The following TRIO variants were observed in gnomAD, a reference collection of about 807,000 sequenced individuals.
TRIO encodes the protein triple functional domain protein.
A neutral mutation model predicts 351.9 loss-of-function variants in TRIO; 58 were observed. The observed-to-expected ratio is 0.16, with a 90% confidence interval of 0.13 to 0.21. The LOEUF is 0.21. Among genes scored for constraint, TRIO ranks in the 10% least tolerant of loss-of-function variants. TRIO has a pLI of 1.00. For synonymous variants in TRIO, 1,758 were observed against 1,595.7 expected (o/e 1.10, Z -2.42); for missense variants, 3,201 against 4,027.8 (o/e 0.79, Z 5.56).
chr5:14,198,340 C>T (rs1421995275), intron 1 of TRIO, among the ~76,000 whole-genome samples: 2 of 152,150 alleles, frequency 1.3e-5, no homozygotes, highest in African/African-American at 4.8e-5. Context: ...AGCATCTTTG[C>T]CCAATCTTCT....
At chr5:14,432,631 G>A (rs982737645) in intron 34 of TRIO, among the ~76,000 whole-genome samples, 2 of 152,190 alleles carry the variant, frequency 1.3e-5, no homozygotes, top group African/African-American at 2.4e-5. Flanking sequence ...TTGGGGGCCA[G>A]ATTTCTCCTC....
At chr5:14,311,495 G>A (rs1261239167) in intron 8 of TRIO, among the ~76,000 whole-genome samples, 1 of 152,230 alleles carries the variant, frequency 6.6e-6, no homozygotes, top group African/African-American at 2.4e-5. Flanking sequence ...CCTTTCAGGA[G>A]GTAATTGACC....
intron 34 of TRIO, among the ~76,000 whole-genome samples, chr5:14,439,686 T>C (rs1014332985): frequency 1.2e-4 from 18 of 152,368 alleles, no homozygotes; most frequent in African/African-American, 4.3e-4. Flanking sequence ...TGCAGAACTC[T>C]GCCTCTCGCT....
chr5:14,465,781 C>A, intron 37 of TRIO, 141 bp downstream of exon 37: 1 of 833,074 alleles, frequency 1.2e-6, no homozygotes, highest in Non-Finnish European at 2.0e-6. Flanking sequence ...TCCCCATGAC[C>A]ACCCTCGGGT....
At chr5:14,305,450 C>T (rs1738277996) in intron 8 of TRIO, among the ~76,000 whole-genome samples, 1 of 152,154 alleles carries the variant, frequency 6.6e-6, no homozygotes, top group Non-Finnish European at 1.5e-5. Context: ...TACTTTTCTG[C>T]AAGGTTTTCT....
chr5:14,310,887 T>C (rs549801560), intron 8 of TRIO, among the ~76,000 whole-genome samples: 77 of 152,342 alleles, frequency 5.1e-4, no homozygotes, highest in South Asian at 1.0e-3. Context: ...GGTTTTGCCA[T>C]GTTGGCCAGG....
chr5:14,274,856 C>T (rs1561279577), intron 2 of TRIO, among the ~76,000 whole-genome samples: 1 of 152,106 alleles, frequency 6.6e-6, no homozygotes, highest in African/African-American at 2.4e-5. Flanking sequence ...CAAATTGGCT[C>T]CTAAGTTTTG....
intron 1 of TRIO, chr5:14,183,779 T>A (rs1165519946): frequency 1.8e-6 from 1 of 562,960 alleles, no homozygotes; most frequent in African/African-American, 1.9e-5. Context: ...TACAGCATGC[T>A]GGCTGCTCCT....
chr5:14,405,200 T>C (rs1475634469), intron 31 of TRIO, among the ~76,000 whole-genome samples: 1 of 152,046 alleles, frequency 6.6e-6, no homozygotes, highest in Admixed American at 6.6e-5. Context: ...AGAGTTGTAA[T>C]GGAGTCAAGG....
intron 34 of TRIO, among the ~76,000 whole-genome samples, chr5:14,443,465 A>C (rs1382559743): frequency 3.9e-5 from 6 of 152,354 alleles, no homozygotes; most frequent in Non-Finnish European, 8.8e-5. Flanking sequence ...GGGGAAATAC[A>C]TATGCATCAC....
chr5:14,362,829 C>T (rs1744270860), intron 13 of TRIO, among the ~76,000 whole-genome samples: 1 of 152,130 alleles, frequency 6.6e-6, no homozygotes, highest in Non-Finnish European at 1.5e-5. Flanking sequence ...CGACAGTTTA[C>T]TATGCGCTGA....
intron 1 of TRIO, among the ~76,000 whole-genome samples, chr5:14,195,128 G>C (rs1391934092): frequency 6.6e-6 from 1 of 152,098 alleles, no homozygotes; most frequent in African/African-American, 2.4e-5. Context: ...GATCTTGCCA[G>C]GTGCCCATTA....
At position 14,405,913 on chromosome 5, in the gene TRIO, G is replaced by A. The variant is rs182481374; in HGVS notation, c.4782G>A (p.Thr1594=). The change falls in exon 32 of 57, where the codon ACG becomes ACA. Residue 1594 remains threonine (T), a synonymous_variant. Coordinates refer to ENST00000344204, the MANE Select transcript of TRIO (RefSeq NM_007118.4). The part of the protein sequence containing the change: ...KHIREVIQER[T]IHLKGALKEP... Reference sequence around the variant, plus strand: ...TCCGCGAAGTCATCCAGGAGCGGACGATCCACCTGAAGGGAGCCCTGAAGG... The same window carrying A: ...TCCGCGAAGTCATCCAGGAGCGGACAATCCACCTGAAGGGAGCCCTGAAGG... 15 of 1,613,756 alleles carry A rather than the reference G, an allele frequency of 9.3e-6. No homozygotes were observed. The highest frequency in any genetic ancestry group is 3.3e-4 in the Middle Eastern group (2 of 6,032).
chr5:14,378,560 G>C (rs1429058558), intron 20 of TRIO, among the ~76,000 whole-genome samples: 2 of 147,584 alleles, frequency 1.4e-5, no homozygotes, highest in African/African-American at 5.2e-5. Flanking sequence ...TTCTTTTTCT[G>C]TTTCTTTTTT....
intron 1 of TRIO, among the ~76,000 whole-genome samples, chr5:14,202,880 C>T (rs983998498): frequency 4.0e-5 from 6 of 151,534 alleles, no homozygotes; most frequent in African/African-American, 9.7e-5. Flanking sequence ...TACCCAGTCT[C>T]GTGTATGTCT....
chr5:14,348,417 A>G (rs1202746142), intron 11 of TRIO, among the ~76,000 whole-genome samples: 3 of 152,198 alleles, frequency 2.0e-5, no homozygotes, highest in African/African-American at 4.8e-5. Flanking sequence ...CCACAGTTCT[A>G]TTTATTTCTA....
intron 11 of TRIO, among the ~76,000 whole-genome samples, chr5:14,338,220 A>T (rs1302574477): frequency 1.3e-5 from 2 of 152,028 alleles, no homozygotes; most frequent in Non-Finnish European, 2.9e-5. Flanking sequence ...CTGAAATAGA[A>T]ATTTGACTAG....
intron 1 of TRIO, among the ~76,000 whole-genome samples, chr5:14,238,643 T>C (rs1393165106): frequency 2.0e-5 from 3 of 152,274 alleles, no homozygotes; most frequent in African/African-American, 7.2e-5. Context: ...ATGTAACTTT[T>C]CATATTTCAT....
chr5:14,299,891 G>A (rs534602172), intron 7 of TRIO, among the ~76,000 whole-genome samples: 23 of 152,334 alleles, frequency 1.5e-4, no homozygotes, highest in African/African-American at 3.8e-4. Flanking sequence ...TAGCTGCACC[G>A]TCCGGCCCTG....
Sources: allele counts gnomAD v4.1 joint callset (sites outside exome capture counted in the v4.1 genomes callset), GRCh38; gene constraint gnomAD v4.1.1; transcripts MANE v1.5; gene names NCBI Gene and HGNC (gene_info 2026-07-23, HGNC 2026-07-21).